The following EYS variants were observed in gnomAD, a reference collection of about 807,000 sequenced individuals.
The protein encoded by EYS is protein eyes shut homolog.
In EYS, 250 loss-of-function variants were observed where a neutral mutation model predicts 282.1. The ratio of observed to expected loss-of-function variants is 0.89; its 90% CI spans 0.80 to 0.98. The LOEUF (loss-of-function observed/expected upper bound fraction) is 0.98. EYS is among the 50% of genes least tolerant of loss of function. The pLI is 0.00. For synonymous variants in EYS, 1,355 were observed against 1,282.9 expected, an observed-to-expected ratio of 1.06 and a Z score of -1.20; for missense variants, 4,016 against 3,709.0, an observed-to-expected ratio of 1.08 and a Z score of -2.15.
intron 12 of EYS, among the ~76,000 whole-genome samples, chr6:65,196,225 A>T (rs1765763223): frequency 6.6e-6 from 1 of 152,020 alleles, no homozygotes; most frequent in Non-Finnish European, 1.5e-5. Flanking sequence ...AAATTATCTG[A>T]AATGTGACTA....
rs1765731379 is a variant in EYS at position 65,195,000 on chromosome 6, T to A, written c.2023+100863A>T. ...TTTTATTACAAAGGCTGTATGTTAG[T>A]TGATATGAGGGATAGTGAAACAATT... is the stretch of plus-strand genomic sequence containing the variant. On this transcript the variant is annotated intron_variant, in intron 12 of 42. Coordinates refer to ENST00000503581, the MANE Select transcript of EYS (RefSeq NM_001142800.2). Among the ~76,000 whole-genome samples, 3 of 152,134 alleles carry A rather than the reference T, an allele frequency of 2.0e-5. No homozygotes were observed. The South Asian group carries it at 6.2e-4, about 32-fold the overall frequency.
At chr6:64,933,561 G>A (rs1390420510) in intron 15 of EYS, among the ~76,000 whole-genome samples, 1 of 151,624 alleles carries the variant, frequency 6.6e-6, no homozygotes, top group Non-Finnish European at 1.5e-5. Flanking sequence ...GCACCACTGT[G>A]GAAGACAGTG....
At chr6:63,953,147 T>C (rs1040916505) in intron 35 of EYS, among the ~76,000 whole-genome samples, 1 of 152,074 alleles carries the variant, frequency 6.6e-6, no homozygotes. Context: ...TTTTCACTAT[T>C]CCCCTGCACC....
intron 41 of EYS, among the ~76,000 whole-genome samples, chr6:63,737,682 C>A (rs1421707721): frequency 6.6e-6 from 1 of 152,154 alleles, no homozygotes; most frequent in Non-Finnish European, 1.5e-5. Flanking sequence ...CCTCCTTATA[C>A]CTCTGGTAGA....
At position 64,555,192 on chromosome 6, in the gene EYS, T is replaced by C. The variant is rs917867570; in HGVS notation, c.5644+35031A>G. ...ATCTAGTATAAACACACACCACTTA[T>C]AAAGAAGGGAAATCCTATTATTTCC... is the stretch of plus-strand genomic sequence containing the variant. On this transcript the variant is annotated intron_variant, in intron 26 of 42. Coordinates refer to ENST00000503581, the MANE Select transcript of EYS (RefSeq NM_001142800.2). 4.6e-5 allele frequency among the ~76,000 whole-genome samples: 7 copies of C among 151,862 alleles called. No homozygotes were observed. In the South Asian group the frequency reaches 1.2e-3, roughly 27 times the overall value.
intron 13 of EYS, among the ~76,000 whole-genome samples, chr6:65,031,957 A>G (rs1383924707): frequency 6.6e-6 from 1 of 152,132 alleles, no homozygotes; most frequent in East Asian, 1.9e-4. Context: ...GAAAAAATAT[A>G]TAAGATTCAT....
intron 29 of EYS, among the ~76,000 whole-genome samples, chr6:64,376,004 C>A (rs1452167358): frequency 6.6e-6 from 1 of 152,062 alleles, no homozygotes; most frequent in Non-Finnish European, 1.5e-5. Flanking sequence ...TATTCAATAT[C>A]CTGCTATTCC....
intron 11 of EYS, among the ~76,000 whole-genome samples, chr6:65,334,388 A>G (rs539996723): frequency 2.0e-5 from 3 of 151,740 alleles, no homozygotes; most frequent in South Asian, 4.2e-4. Flanking sequence ...CAGCCTCCCA[A>G]GTAGCTAGGG....
At chr6:65,571,919 C>G (rs1764489854) in intron 2 of EYS, among the ~76,000 whole-genome samples, 1 of 151,914 alleles carries the variant, frequency 6.6e-6, no homozygotes, top group Non-Finnish European at 1.5e-5. Flanking sequence ...AAATTTTCAG[C>G]AGATCATTTG....
At chr6:63,723,125 C>A (rs1354267303) in intron 42 of EYS, among the ~76,000 whole-genome samples, 1 of 152,102 alleles carries the variant, frequency 6.6e-6, no homozygotes, top group African/African-American at 2.4e-5. Context: ...CAGAATATTT[C>A]TCAAATAATA....
chr6:65,361,876 T>C (rs1363001192), intron 8 of EYS, among the ~76,000 whole-genome samples: 1 of 152,138 alleles, frequency 6.6e-6, no homozygotes. Context: ...AAGCCTCTTA[T>C]TTTCTAATTA....
chr6:64,783,958 A>G (rs2149995589), intron 22 of EYS, among the ~76,000 whole-genome samples: 3 of 152,280 alleles, frequency 2.0e-5, no homozygotes, highest in African/African-American at 7.2e-5. Context: ...AAATTTAATC[A>G]AAATATTACT....
intron 41 of EYS, among the ~76,000 whole-genome samples, chr6:63,737,418 T>G (rs1768946288): frequency 6.6e-6 from 1 of 152,220 alleles, no homozygotes; most frequent in Non-Finnish European, 1.5e-5. Flanking sequence ...TGAACCAGCC[T>G]TGCATCCCAG....
intron 11 of EYS, chr6:65,331,493 T>C: frequency 1.1e-5 from 10 of 916,194 alleles, no homozygotes; most frequent in Non-Finnish European, 1.3e-5. Context: ...AAAATACTTG[T>C]ATCTGCAACA....
intron 24 of EYS, among the ~76,000 whole-genome samples, chr6:64,598,092 T>C (rs1303868494): frequency 6.6e-6 from 1 of 151,924 alleles, no homozygotes; most frequent in Non-Finnish European, 1.5e-5. Flanking sequence ...AGTGGAAAAA[T>C]ATCCACAGCA....
At chr6:64,179,767 T>C (rs1483535329) in intron 31 of EYS, among the ~76,000 whole-genome samples, 1 of 152,052 alleles carries the variant, frequency 6.6e-6, no homozygotes, top group African/African-American at 2.4e-5. Context: ...CAGAAATTGG[T>C]ACTGAACTTA....
chr6:63,762,444 T>C lies in EYS; in HGVS notation c.8071+17A>G, dbSNP rs1164860726. 4 of 1,546,560 alleles carry C rather than the reference T, an allele frequency of 2.6e-6. No individual in the cohort carries two copies. Among genetic ancestry groups the C allele is most frequent in the Non-Finnish European group, 3.5e-6 (4 of 1,144,640 alleles). Reference sequence around the variant, plus strand: ...TTATATTTGTGGACAGCAAAATGATTTGAAATTCTGCCTCACCTTGTTCAC... The same window carrying C: ...TTATATTTGTGGACAGCAAAATGATCTGAAATTCTGCCTCACCTTGTTCAC... On this transcript the variant is annotated intron_variant, in intron 41 of 42. Coordinates refer to ENST00000503581, the MANE Select transcript of EYS (RefSeq NM_001142800.2).
At chr6:64,170,262 G>T (rs1268666017) in intron 31 of EYS, among the ~76,000 whole-genome samples, 1 of 152,182 alleles carries the variant, frequency 6.6e-6, no homozygotes, top group East Asian at 1.9e-4. Context: ...GGAAGCTTTG[G>T]CTAGTCAGAA....
At chr6:65,438,690 C>T (rs927986354) in intron 5 of EYS, among the ~76,000 whole-genome samples, 1 of 152,064 alleles carries the variant, frequency 6.6e-6, no homozygotes, top group African/African-American at 2.4e-5. Context: ...CCTTTGCCCA[C>T]TTTTTGATGG....
Sources: allele counts gnomAD v4.1 joint callset (sites outside exome capture counted in the v4.1 genomes callset), GRCh38; gene constraint gnomAD v4.1.1; transcripts MANE v1.5; gene names NCBI Gene and HGNC (gene_info 2026-07-23, HGNC 2026-07-21).